The following SCFD1 variants were observed in gnomAD, a reference collection of about 807,000 sequenced individuals.
The protein encoded by SCFD1 is sec1 family domain-containing protein 1.
SCFD1 carries 37 observed loss-of-function variants against 103.2 expected under a neutral mutation model. The ratio of observed to expected loss-of-function variants is 0.36; its 90% CI spans 0.28 to 0.47. SCFD1 has a LOEUF of 0.47. Among genes scored for constraint, SCFD1 ranks in the 20% least tolerant of loss-of-function variants. The probability of loss-of-function intolerance (pLI) is 1.00; values close to 1 mark genes in which losing one functional copy is unlikely to be tolerated. For synonymous variants in SCFD1, 264 were observed against 245.0 expected (o/e 1.08, Z -0.73); for missense variants, 639 against 761.2 (o/e 0.84, Z 1.89).
At chr14:30,683,230 G>A (rs963574997) in intron 14 of SCFD1, 4 of 1,105,898 alleles carry the variant, frequency 3.6e-6, no homozygotes, top group Non-Finnish European at 5.2e-6. Context: ...GTCATACAGG[G>A]CAGACCACTT....
chr14:30,701,011 T>C (rs1403044818), intron 16 of SCFD1, among the ~76,000 whole-genome samples: 4 of 152,262 alleles, frequency 2.6e-5, no homozygotes, highest in African/African-American at 9.6e-5. Context: ...GGTTAGAGAC[T>C]GTTGACTTTA....
intron 17 of SCFD1, among the ~76,000 whole-genome samples, chr14:30,704,414 C>T (rs555374412): frequency 6.6e-6 from 1 of 152,242 alleles, no homozygotes; most frequent in South Asian, 2.1e-4. Flanking sequence ...TTTCATCATG[C>T]CAGTTCATGG....
rs142825862 is a variant in SCFD1 at position 30,673,633 on chromosome 14, G to A, written c.1086+286G>A. On this transcript the variant is annotated intron_variant, in intron 12 of 24. Coordinates refer to ENST00000458591, the MANE Select transcript of SCFD1 (RefSeq NM_016106.4). ...TGTAACTTCAGATTTCAGCTCTACT[G>A]TTTATTGCTGTGTGACCTATGGCAC... Among the ~76,000 whole-genome samples the A allele has an allele frequency of 3.7e-3, 559 of 152,188 alleles. 7 individuals are homozygous for A. The highest frequency in any genetic ancestry group is 0.013 in the African/African-American group (529 of 41,530).
intron 14 of SCFD1, among the ~76,000 whole-genome samples, chr14:30,677,827 CTTTTTTTTTT>C (rs58942207): frequency 7.4e-5 from 5 of 67,510 alleles, no homozygotes; most frequent in Non-Finnish European, 1.1e-4. Context: ...ACCTAAGCAC[CTTTTTTTTTT>C]TTTTTTTTTT....
In SCFD1 at chr14:30,722,559, G is replaced by T; in HGVS notation, c.1836G>T (p.Lys612Asn). The T allele has an allele frequency of 6.3e-7, 1 of 1,587,544 alleles. No individual in the cohort carries two copies. The highest frequency in any genetic ancestry group is 8.6e-7 in the Non-Finnish European group (1 of 1,163,432). Residue 612 changes from lysine (K) to asparagine (N), a missense_variant and splice_region_variant, in exon 23 of 25, where the codon AAG becomes AAT. By Grantham distance (94) the Lys-to-Asn change is moderately conservative. Transcript: ENST00000458591. ...ATCAGAATCTTGTTGACTACATAAA[G>T]GTACATTTTATTTAGCCTTTTTATT... ...IEYQNLVDYI[K>N]GKQGKHILYG...
At chr14:30,645,107 GTTA>G in intron 7 of SCFD1, among the ~76,000 whole-genome samples, 1 of 152,220 alleles carries the variant, frequency 6.6e-6, no homozygotes, top group East Asian at 1.9e-4. Flanking sequence ...CCTATTGCTT[GTTA>G]TTATCAACAT....
At chr14:30,628,352 A>G in intron 2 of SCFD1, 73 bp downstream of exon 2, 3 of 926,296 alleles carry the variant, frequency 3.2e-6, no homozygotes, top group Non-Finnish European at 5.1e-6. Context: ...GAGGGAATTT[A>G]TTGTAATATG....
intron 7 of SCFD1, among the ~76,000 whole-genome samples, chr14:30,648,617 T>C (rs1001122581): frequency 3.9e-5 from 6 of 152,180 alleles, no homozygotes; most frequent in Admixed American, 6.5e-5. Context: ...AGCTTATGTA[T>C]TGAAACTGCC....
chr14:30,702,427 G>C, intron 17 of SCFD1, 52 bp downstream of exon 17: 1 of 1,128,684 alleles, frequency 8.9e-7, no homozygotes, highest in Non-Finnish European at 1.3e-6. Context: ...GTACAATTGA[G>C]GCTTCATTCC....
At chr14:30,626,708 A>C (rs554899826) in intron 1 of SCFD1, among the ~76,000 whole-genome samples, 1 of 151,638 alleles carries the variant, frequency 6.6e-6, no homozygotes, top group South Asian at 2.1e-4. Flanking sequence ...CCCCATTAAA[A>C]CCCTGTGTCT....
chr14:30,697,067 T>TG (rs141545244), intron 15 of SCFD1, among the ~76,000 whole-genome samples: 118 of 151,520 alleles, frequency 7.8e-4, no homozygotes, highest in African/African-American at 1.4e-3. Flanking sequence ...GATTGTATGT[T>TG]GGGGGGGGCG....
intron 16 of SCFD1, among the ~76,000 whole-genome samples, chr14:30,700,775 G>A (rs779751906): frequency 2.2e-4 from 33 of 152,182 alleles, no homozygotes; most frequent in Non-Finnish European, 2.9e-4. Context: ...GAAACTACCC[G>A]TGAAACATCT....
chr14:30,723,966 T>G (rs1400931787), intron 23 of SCFD1, among the ~76,000 whole-genome samples: 2 of 150,926 alleles, frequency 1.3e-5, no homozygotes, highest in African/African-American at 4.9e-5. Flanking sequence ...CTTTGAGGAA[T>G]CACCACACTG....
chr14:30,690,472 G>C (rs1165561219), intron 14 of SCFD1, among the ~76,000 whole-genome samples: 1 of 112,392 alleles, frequency 8.9e-6, no homozygotes, highest in Non-Finnish European at 1.7e-5. Context: ...GATTCCGTGG[G>C]CGTAGGACCC....
chr14:30,716,123 G>T, intron 20 of SCFD1, 146 bp downstream of exon 20: 1 of 618,274 alleles, frequency 1.6e-6, no homozygotes. Flanking sequence ...TTCTCAAGAA[G>T]CCTTTTTTAG....
chr14:30,632,046 G>GAAAA (rs61645782), intron 3 of SCFD1, among the ~76,000 whole-genome samples: 239 of 69,938 alleles, frequency 3.4e-3, no homozygotes, highest in Non-Finnish European at 5.4e-3. Flanking sequence ...AGATTCTGTT[G>GAAAA]AAAAAAAAAA....
intron 16 of SCFD1, among the ~76,000 whole-genome samples, chr14:30,701,666 A>G (rs1318735269): frequency 1.3e-5 from 2 of 152,228 alleles, no homozygotes; most frequent in Non-Finnish European, 2.9e-5. Flanking sequence ...AACTTAATTC[A>G]GTGTTCCCTT....
chr14:30,630,335 T>A (rs1168179322), intron 2 of SCFD1, 142 bp from the exon 3 acceptor site: 3 of 652,082 alleles, frequency 4.6e-6, no homozygotes, highest in Non-Finnish European at 8.2e-6. Flanking sequence ...TCACTGATAA[T>A]GATGGAAAAT....
chr14:30,657,970 TAAAAA>T, intron 10 of SCFD1: 1 of 330,556 alleles, frequency 3.0e-6, no homozygotes, highest in East Asian at 8.8e-5. Context: ...CACTTCTGGT[TAAAAA>T]AAAAAAGAAA....
Sources: gnomAD v4.1 joint callset for allele counts (sites outside exome capture counted in the v4.1 genomes callset) on GRCh38, gnomAD v4.1.1 for gene constraint, MANE v1.5 for transcripts, NCBI Gene and HGNC (gene_info 2026-07-23, HGNC 2026-07-21) for gene names.